AP1G1: variants seen among roughly 807,000 people sequenced by gnomAD.
AP1G1 encodes adaptor related protein complex 1 subunit gamma 1.
Under a neutral mutation model 108.3 loss-of-function variants are expected in AP1G1, and 7 were observed. The ratio of observed to expected loss-of-function variants is 0.06; its 90% CI spans 0.04 to 0.12. The LOEUF is 0.12. AP1G1 is among the 10% of genes least tolerant of loss of function. The pLI, the probability that AP1G1 is intolerant of heterozygous loss-of-function variation, is 1.00. For missense variants in AP1G1, 756 were observed against 1,010.7 expected, an observed-to-expected ratio of 0.75 and a Z score of 3.42; for synonymous variants, 379 against 353.5, an observed-to-expected ratio of 1.07 and a Z score of -0.81.
chr16:71,758,968 G>T, intron 10 of AP1G1, 47 bp from the exon 11 acceptor site: 1 of 1,121,736 alleles, frequency 8.9e-7, no homozygotes, highest in Non-Finnish European at 1.3e-6. Flanking sequence ...GTAAAATTCA[G>T]GATAGTTTTT....
At chr16:71,776,932 A>AAT (rs1176658724) in intron 2 of AP1G1, among the ~76,000 whole-genome samples, 1 of 151,868 alleles carries the variant, frequency 6.6e-6, no homozygotes, top group African/African-American at 2.4e-5. Flanking sequence ...CAACATGATG[A>AAT]AACCCCGTTT....
intron 1 of AP1G1, among the ~76,000 whole-genome samples, chr16:71,792,395 AC>A (rs1219732006): frequency 3.9e-5 from 6 of 152,164 alleles, no homozygotes; most frequent in South Asian, 2.1e-4. Context: ...AGGAATTTTT[AC>A]TTATTTCTAC....
intron 12 of AP1G1, among the ~76,000 whole-genome samples, chr16:71,755,574 T>C (rs1320284283): frequency 6.6e-6 from 1 of 152,236 alleles, no homozygotes; most frequent in Non-Finnish European, 1.5e-5. Context: ...TTCTCCAAGC[T>C]AATTTATAAT....
At chr16:71,747,722 C>A (rs1164176847) in intron 16 of AP1G1, among the ~76,000 whole-genome samples, 4 of 152,128 alleles carry the variant, frequency 2.6e-5, no homozygotes, top group Admixed American at 1.3e-4. Context: ...TGGGTCACAT[C>A]TGTAATCCCT....
In AP1G1 at chr16:71,729,541, T is replaced by TA. The variant is rs1300207329; in HGVS notation, c.*3516dup. The TA allele has an allele frequency of 6.6e-6, 1 of 152,562 alleles. No homozygotes were observed. The highest frequency in any genetic ancestry group is 6.6e-5 in the Admixed American group (1 of 15,262). The allele number at this position is 152,562 out of a possible 1,614,324, so 9.5% of individuals were successfully genotyped here. The stretch of plus-strand genomic sequence containing the variant: ...AAGCTGCTTCGGCATTTCCTTCTGT[T>TA]AAAGTGTTCCAGGTCCTGGAACCCT... On this transcript the variant is annotated 3_prime_UTR_variant, in exon 23 of 23. Transcript: ENST00000299980.
chr16:71,794,753 T>C (rs1206571640), intron 1 of AP1G1, among the ~76,000 whole-genome samples: 1 of 149,898 alleles, frequency 6.7e-6, no homozygotes, highest in Non-Finnish European at 1.5e-5. Flanking sequence ...TGAAGATGGC[T>C]ATTTTCCAAC....
intron 16 of AP1G1, chr16:71,747,242 A>T (rs1334343576): frequency 3.9e-5 from 6 of 152,340 alleles, no homozygotes; most frequent in African/African-American, 1.2e-4. Flanking sequence ...GTGACCTGAG[A>T]ATCTACTTTA....
intron 1 of AP1G1, among the ~76,000 whole-genome samples, chr16:71,793,859 G>A (rs1016167873): frequency 6.6e-6 from 1 of 152,154 alleles, no homozygotes; most frequent in Non-Finnish European, 1.5e-5. Flanking sequence ...ACAGGCGCAA[G>A]CCACCACACC....
At chr16:71,806,007 C>A (rs113968734) in intron 1 of AP1G1, among the ~76,000 whole-genome samples, 16,270 of 149,102 alleles carry the variant, frequency 0.11, 1,018 homozygotes, top group Non-Finnish European at 0.14. Flanking sequence ...CAGAGTGAGA[C>A]CCTGTCTCAA....
At chr16:71,744,828 T>G (rs540857225) in intron 19 of AP1G1, among the ~76,000 whole-genome samples, 1 of 152,170 alleles carries the variant, frequency 6.6e-6, no homozygotes, top group African/African-American at 2.4e-5. Context: ...CACCTGCCTC[T>G]GCCTCCCAAA....
chr16:71,755,247 G>A (rs935355930), intron 12 of AP1G1, among the ~76,000 whole-genome samples: 2 of 152,002 alleles, frequency 1.3e-5, no homozygotes, highest in Admixed American at 6.6e-5. Context: ...ACAACATAGC[G>A]AAACCCCATC....
At chr16:71,779,185 G>A (rs2031906849) in intron 2 of AP1G1, among the ~76,000 whole-genome samples, 2 of 152,122 alleles carry the variant, frequency 1.3e-5, no homozygotes, top group African/African-American at 2.4e-5. Context: ...AGTGCCTGAA[G>A]AAGTGGTTCC....
chr16:71,773,838 G>A (rs2031665718), intron 3 of AP1G1, among the ~76,000 whole-genome samples: 1 of 150,278 alleles, frequency 6.7e-6, no homozygotes, highest in Non-Finnish European at 1.5e-5. Context: ...AGCTACTTGG[G>A]AGGCTGAGTA....
chr16:71,742,026 A>G (rs2029893736), intron 19 of AP1G1, among the ~76,000 whole-genome samples: 1 of 152,224 alleles, frequency 6.6e-6, no homozygotes, highest in East Asian at 1.9e-4. Context: ...CTGTAATGAT[A>G]AATTAAGAAA....
chr16:71,787,418 T>C (rs1048953821), intron 2 of AP1G1, among the ~76,000 whole-genome samples: 1 of 151,418 alleles, frequency 6.6e-6, no homozygotes, highest in African/African-American at 2.4e-5. Flanking sequence ...TTGAGCCCAG[T>C]AGGTTGAGGT....
chr16:71,766,938 T>C (rs556654179), intron 6 of AP1G1, among the ~76,000 whole-genome samples: 1 of 152,346 alleles, frequency 6.6e-6, no homozygotes, highest in South Asian at 2.1e-4. Flanking sequence ...CTGTCAACTA[T>C]GGGCAAAGTT....
intron 7 of AP1G1, among the ~76,000 whole-genome samples, chr16:71,765,214 C>A (rs993361460): frequency 6.6e-6 from 1 of 152,102 alleles, no homozygotes; most frequent in African/African-American, 2.4e-5. Context: ...GTGGCATGCA[C>A]CTGAAATCCC....
At chr16:71,747,599 A>T (rs1016307923) in intron 16 of AP1G1, among the ~76,000 whole-genome samples, 3 of 151,928 alleles carry the variant, frequency 2.0e-5, no homozygotes, top group African/African-American at 7.3e-5. Flanking sequence ...ATGAAATATA[A>T]AATACAAATA....
chr16:71,744,391 C>T (rs1028847845), intron 19 of AP1G1, among the ~76,000 whole-genome samples: 3 of 152,060 alleles, frequency 2.0e-5, no homozygotes, highest in Non-Finnish European at 4.4e-5. Context: ...CCTTCAGTTG[C>T]TTTAATTACA....
Sources: gnomAD v4.1 joint callset for allele counts (sites outside exome capture counted in the v4.1 genomes callset) on GRCh38, gnomAD v4.1.1 for gene constraint, MANE v1.5 for transcripts, NCBI Gene and HGNC (gene_info 2026-07-23, HGNC 2026-07-21) for gene names.